Variants in HEPHL1 observed in about 807,000 individuals in gnomAD.
The protein encoded by HEPHL1 is hephaestin like 1.
HEPHL1 carries 123 observed loss-of-function variants against 122.0 expected under a neutral mutation model. That is an observed-to-expected ratio of 1.01 (90% CI 0.87 to 1.17). The LOEUF is 1.17. Ranked by LOEUF, HEPHL1 falls within the 50% of genes most tolerant of loss-of-function variation. The pLI, the probability that HEPHL1 is intolerant of heterozygous loss-of-function variation, is 0.00. For missense variants in HEPHL1, 1,452 were observed against 1,430.5 expected, an observed-to-expected ratio of 1.01 and a Z score of -0.24; for synonymous variants, 527 against 508.9, an observed-to-expected ratio of 1.04 and a Z score of -0.48.
At chr11:94,030,182 G>T (rs891342042) in intron 1 of HEPHL1, among the ~76,000 whole-genome samples, 1 of 152,102 alleles carries the variant, frequency 6.6e-6, no homozygotes, top group Admixed American at 6.5e-5. Context: ...GCATACCAGG[G>T]ATTCTGAATC....
In HEPHL1 at chr11:94,082,542, A is replaced by G. The variant is rs1470125169; in HGVS notation, c.1841A>G (p.Glu614Gly). Residue 614 changes from glutamate (E) to glycine (G), a missense_variant, in exon 10 of 20, where the codon GAG (glutamate) becomes GGG (glycine). Transcript: ENST00000315765. ...TTCAGCATTGACAAAGAAGATAAAG[A>G]GTTTGTGAAATCCAACCGAATGCAT... ...HPFSIDKEDK[E>G]FVKSNRMHAV... The G allele has an allele frequency of 6.2e-7, 1 of 1,611,876 alleles. No individual in the cohort carries two copies. The highest frequency in any genetic ancestry group is 1.7e-5 in the Admixed American group (1 of 59,640).
At chr11:94,061,326 T>A (rs991676443) in intron 2 of HEPHL1, among the ~76,000 whole-genome samples, 1 of 152,108 alleles carries the variant, frequency 6.6e-6, no homozygotes, top group Admixed American at 6.6e-5. Flanking sequence ...TGGGTGGCAC[T>A]GTGGGGATGA....
At chr11:94,088,584 CA>C (rs1313514004) in intron 11 of HEPHL1, among the ~76,000 whole-genome samples, 170 bp from the exon 12 acceptor site, 1 of 152,114 alleles carries the variant, frequency 6.6e-6, no homozygotes, top group Admixed American at 6.6e-5. Flanking sequence ...TAAATATATT[CA>C]AAGTAATCTA....
At chr11:94,070,254 A>G in intron 5 of HEPHL1, 120 bp from the exon 6 acceptor site, 2 of 917,156 alleles carry the variant, frequency 2.2e-6, no homozygotes, top group Non-Finnish European at 3.0e-6. Context: ...AACTTTCTTT[A>G]TGGTCCAATT....
chr11:94,046,561 C>T (rs1945841487), intron 2 of HEPHL1, among the ~76,000 whole-genome samples: 1 of 147,366 alleles, frequency 6.8e-6, no homozygotes, highest in Non-Finnish European at 1.5e-5. Context: ...AGATAAAGGG[C>T]AACATGCTCC....
chr11:94,106,670 C>A (rs1208114194), intron 17 of HEPHL1, among the ~76,000 whole-genome samples: 1 of 152,142 alleles, frequency 6.6e-6, no homozygotes, highest in African/African-American at 2.4e-5. Context: ...AGAGTTTTCT[C>A]ATTAGTGATC....
Position 94,082,524 on chromosome 11 carries a change from T to C in HEPHL1, c.1823T>C (p.Ile608Thr), listed in dbSNP as rs1266087193. ...AAGTTTATCTGGCATCCCTTCAGCA[T>C]TGACAAAGAAGATAAAGAGTTTGTG... Reference protein sequence around the residue: ...IQKFIWHPFSIDKEDKEFVKS... With the variant: ...IQKFIWHPFSTDKEDKEFVKS... Residue 608 changes from isoleucine (I) to threonine (T), a missense_variant, in exon 10 of 20, where the codon ATT becomes ACT. Physicochemically the swap from Ile to Thr is moderately conservative, Grantham distance 89. Coordinates refer to ENST00000315765, the MANE Select transcript of HEPHL1 (RefSeq NM_001098672.2). The C allele has an allele frequency of 3.7e-6, 6 of 1,613,500 alleles. No individual in the cohort carries two copies. Among genetic ancestry groups the C allele is most frequent in the East Asian group, 2.2e-5 (1 of 44,862 alleles).
rs1298879578 is a variant in HEPHL1, at chr11:94,112,608, AAT to A, written c.*717_*718del. The A allele has an allele frequency of 6.6e-6, 1 of 152,228 alleles. No homozygotes were observed. The highest frequency in any genetic ancestry group is 1.5e-5 in the Non-Finnish European group (1 of 68,036). The allele number at this position is 152,228 out of a possible 1,614,324, so 9.4% of individuals were successfully genotyped here. A position where few individuals can be genotyped will look rare whatever the true frequency, so the allele number is the denominator to read the frequency against. ...CTCACTTCATGTTACATGTTTTTAC[AAT>A]ATGTTTCTGTGGCAATGTTTGTACT... is the stretch of plus-strand genomic sequence containing the variant. On this transcript the variant is annotated 3_prime_UTR_variant, in exon 20 of 20. Transcript: ENST00000315765.
Position 94,101,218 on chromosome 11 carries a change from G to T in HEPHL1, c.2458G>T (p.Gly820Cys), listed in dbSNP as rs1946364748. 6.2e-7 allele frequency: 1 copy of T among 1,613,752 alleles called. No individual in the cohort carries two copies. The highest frequency in any genetic ancestry group is 8.5e-7 in the Non-Finnish European group (1 of 1,179,842). The change falls in exon 14 of 20, where the codon GGC (glycine) becomes TGC (cysteine). Residue 820 changes from glycine (G) to cysteine (C), a missense_variant. Transcript: ENST00000315765. ...AGGCCCAATGATTCATGCTGAGGTGGGCAACACCGTCCTGATCATATTTAA... is the reference window on the plus strand; with the variant it reads ...AGGCCCAATGATTCATGCTGAGGTGTGCAACACCGTCCTGATCATATTTAA... Reference protein sequence around the residue: ...LLGPMIHAEVGNTVLIIFKNK... With the variant: ...LLGPMIHAEVCNTVLIIFKNK...
At chr11:94,057,948 T>C (rs1029622234) in intron 2 of HEPHL1, among the ~76,000 whole-genome samples, 4 of 152,172 alleles carry the variant, frequency 2.6e-5, no homozygotes, top group African/African-American at 9.6e-5. Flanking sequence ...CTTGCTTCTT[T>C]GTTTAGTAAC....
intron 12 of HEPHL1, among the ~76,000 whole-genome samples, chr11:94,089,648 A>G (rs1225420384): frequency 6.6e-6 from 1 of 152,152 alleles, no homozygotes; most frequent in Non-Finnish European, 1.5e-5. Context: ...CCTAGGGTGC[A>G]CTGGGATGGA....
chr11:94,059,474 A>C (rs1945965776), intron 2 of HEPHL1, among the ~76,000 whole-genome samples: 1 of 152,170 alleles, frequency 6.6e-6, no homozygotes, highest in African/African-American at 2.4e-5. Context: ...GAATGAGCTT[A>C]ATTCTCCCAT....
At chr11:94,071,035 C>T (rs996475549) in intron 6 of HEPHL1, among the ~76,000 whole-genome samples, 4 of 152,058 alleles carry the variant, frequency 2.6e-5, no homozygotes, top group African/African-American at 9.7e-5. Flanking sequence ...TGCCATTTTT[C>T]TTTCAAAGCC....
chr11:94,041,243 A>G (rs937896831), intron 1 of HEPHL1, among the ~76,000 whole-genome samples: 276 of 150,764 alleles, frequency 1.8e-3, no homozygotes, highest in Admixed American at 4.9e-3. Flanking sequence ...CAAATGGAAG[A>G]ACATTCCATG....
chr11:94,043,202 C>G (rs989550952), intron 1 of HEPHL1, among the ~76,000 whole-genome samples: 3 of 151,884 alleles, frequency 2.0e-5, no homozygotes, highest in African/African-American at 7.3e-5. Context: ...ATGATGAAAA[C>G]AAGTAGGAGT....
At chr11:94,041,566 G>C (rs1250160543) in intron 1 of HEPHL1, among the ~76,000 whole-genome samples, 2 of 76,132 alleles carry the variant, frequency 2.6e-5, no homozygotes. Flanking sequence ...CAGAAATAAC[G>C]CCACATACCT....
chr11:94,097,142 T>A (rs1453258919), intron 13 of HEPHL1, among the ~76,000 whole-genome samples: 2 of 152,266 alleles, frequency 1.3e-5, no homozygotes, highest in Admixed American at 1.3e-4. Context: ...TCCTGCTTTC[T>A]CTTGTGGGCA....
At chr11:94,096,286 T>G (rs1946312517) in intron 13 of HEPHL1, among the ~76,000 whole-genome samples, 1 of 152,194 alleles carries the variant, frequency 6.6e-6, no homozygotes, top group African/African-American at 2.4e-5. Context: ...ATCACGTGGT[T>G]TTTGTCTTTG....
intron 12 of HEPHL1, 35 bp downstream of exon 12, chr11:94,089,003 G>T: frequency 1.3e-6 from 2 of 1,583,366 alleles, no homozygotes; most frequent in South Asian, 1.1e-5. Flanking sequence ...CTCCTCGGTG[G>T]GATCGCGCAT....
Sources: gnomAD v4.1 joint callset for allele counts (sites outside exome capture counted in the v4.1 genomes callset) on GRCh38, gnomAD v4.1.1 for gene constraint, MANE v1.5 for transcripts, NCBI Gene and HGNC (gene_info 2026-07-23, HGNC 2026-07-21) for gene names.